The following CHCHD3 variants were observed in gnomAD, a reference collection of about 807,000 sequenced individuals.
CHCHD3 encodes the protein coiled-coil-helix-coiled-coil-helix domain containing 3.
CHCHD3 carries 20 observed loss-of-function variants against 38.2 expected under a neutral mutation model. The observed-to-expected ratio is 0.52, with a 90% CI of 0.37 to 0.76. The LOEUF is 0.76. Among genes scored for constraint, CHCHD3 ranks in the 30% least tolerant of loss-of-function variants. CHCHD3 has a pLI of 0.00. For missense variants in CHCHD3, 245 were observed against 279.2 expected (o/e 0.88, Z 0.87); for synonymous variants, 82 against 100.0 (o/e 0.82, Z 1.07).
chr7:132,856,363 CT>C (rs1413736249), intron 5 of CHCHD3, among the ~76,000 whole-genome samples: 1 of 152,220 alleles, frequency 6.6e-6, no homozygotes, highest in African/African-American at 2.4e-5. Flanking sequence ...AAAAGAGGTT[CT>C]TGTGTGACCC....
At chr7:133,061,056 T>C (rs1814493581) in intron 2 of CHCHD3, among the ~76,000 whole-genome samples, 1 of 152,008 alleles carries the variant, frequency 6.6e-6, no homozygotes, top group African/African-American at 2.4e-5. Context: ...TCCCATGAGA[T>C]TCCCAGAGAA....
chr7:133,054,731 C>G (rs1390991585), intron 2 of CHCHD3, among the ~76,000 whole-genome samples: 1 of 152,186 alleles, frequency 6.6e-6, no homozygotes, highest in African/African-American at 2.4e-5. Flanking sequence ...GCTCTTTATA[C>G]ATTTGCCTAT....
At chr7:132,828,673 A>T (rs1202639755) in intron 6 of CHCHD3, among the ~76,000 whole-genome samples, 1 of 152,142 alleles carries the variant, frequency 6.6e-6, no homozygotes, top group Non-Finnish European at 1.5e-5. Context: ...ATGTGGTTTT[A>T]CCCCAGGCAG....
At chr7:133,049,615 A>G (rs1814091781) in intron 2 of CHCHD3, among the ~76,000 whole-genome samples, 2 of 152,206 alleles carry the variant, frequency 1.3e-5, no homozygotes, top group Non-Finnish European at 2.9e-5. Flanking sequence ...TATACACACT[A>G]TGAATGTTTG....
chr7:133,058,517 G>A (rs1202772264), intron 2 of CHCHD3, among the ~76,000 whole-genome samples: 3 of 152,188 alleles, frequency 2.0e-5, no homozygotes, highest in African/African-American at 7.2e-5. Context: ...CTAGCTGGTT[G>A]CATAACAAAA....
intron 6 of CHCHD3, among the ~76,000 whole-genome samples, chr7:132,805,646 TG>T (rs549990148): frequency 9.2e-4 from 140 of 152,230 alleles, no homozygotes; most frequent in African/African-American, 3.1e-3. Flanking sequence ...GGTACCATCT[TG>T]AGAAGGCGGA....
At chr7:132,950,725 A>T (rs904580863) in intron 4 of CHCHD3, among the ~76,000 whole-genome samples, 2 of 152,180 alleles carry the variant, frequency 1.3e-5, no homozygotes, top group Non-Finnish European at 2.9e-5. Flanking sequence ...CAGATAGCAC[A>T]TTAAATGCTG....
intron 3 of CHCHD3, among the ~76,000 whole-genome samples, chr7:133,008,370 A>C (rs771196875): frequency 2.9e-3 from 1 of 344 alleles, no homozygotes; most frequent in Non-Finnish European, 0.17. Flanking sequence ...TTAAGAGAAG[A>C]AAAAAAAAAA....
At chr7:132,834,470 G>A (rs992716895) in intron 6 of CHCHD3, among the ~76,000 whole-genome samples, 2 of 152,114 alleles carry the variant, frequency 1.3e-5, no homozygotes, top group African/African-American at 2.4e-5. Flanking sequence ...TAGTCAAAAC[G>A]CAAAAATCCA....
intron 4 of CHCHD3, among the ~76,000 whole-genome samples, chr7:132,902,382 A>G (rs1809691390): frequency 6.6e-6 from 1 of 152,208 alleles, no homozygotes; most frequent in Non-Finnish European, 1.5e-5. Context: ...TGTTTATTGC[A>G]GCACTACTCA....
intron 4 of CHCHD3, among the ~76,000 whole-genome samples, chr7:132,915,834 T>G (rs1400330948): frequency 6.6e-6 from 1 of 152,184 alleles, no homozygotes; most frequent in Non-Finnish European, 1.5e-5. Context: ...TTGAACTTCT[T>G]CGTTAATGTT....
At chr7:132,996,210 TC>T (rs1372540448) in intron 3 of CHCHD3, among the ~76,000 whole-genome samples, 3 of 152,158 alleles carry the variant, frequency 2.0e-5, no homozygotes, top group African/African-American at 7.2e-5. Context: ...CTTTCTTCTT[TC>T]CCCTAATGAA....
In CHCHD3 at chr7:133,004,735, T is replaced by C. The variant is rs573321978; in HGVS notation, c.251+19811A>G. Reference sequence around the variant, plus strand: ...GGCAAGGAGAGTGGGCAAACTTTTTTAAATAACATAACACTTTGCAATGAA... The same window carrying C: ...GGCAAGGAGAGTGGGCAAACTTTTTCAAATAACATAACACTTTGCAATGAA... On this transcript the variant is annotated intron_variant, in intron 3 of 7. Transcript: ENST00000262570. Among the ~76,000 whole-genome samples, 6 of 152,332 alleles carry C rather than the reference T, an allele frequency of 3.9e-5. No individual in the cohort carries two copies. In the East Asian group the frequency reaches 1.2e-3, roughly 29 times the overall value.
At chr7:133,058,467 T>C (rs1198536139) in intron 2 of CHCHD3, among the ~76,000 whole-genome samples, 5 of 152,208 alleles carry the variant, frequency 3.3e-5, no homozygotes, top group Non-Finnish European at 5.9e-5. Flanking sequence ...TAAAATAATT[T>C]GTTTAAATGA....
At chr7:132,847,656 T>C (rs1185243035) in intron 5 of CHCHD3, among the ~76,000 whole-genome samples, 2 of 152,358 alleles carry the variant, frequency 1.3e-5, no homozygotes, top group East Asian at 3.9e-4. Context: ...AAAATGCACA[T>C]GCACAGATAC....
chr7:132,959,077 A>G (rs1811248419), intron 4 of CHCHD3, among the ~76,000 whole-genome samples: 1 of 152,238 alleles, frequency 6.6e-6, no homozygotes, highest in South Asian at 2.1e-4. Flanking sequence ...ATTTCAGGCC[A>G]AATAGAGAAG....
chr7:132,801,628 G>A (rs988581693), intron 6 of CHCHD3, among the ~76,000 whole-genome samples: 5 of 152,168 alleles, frequency 3.3e-5, no homozygotes. Context: ...TCAGTACTTA[G>A]CTCAACGAAC....
chr7:132,880,509 T>C (rs901098184), intron 5 of CHCHD3, among the ~76,000 whole-genome samples: 6 of 152,230 alleles, frequency 3.9e-5, no homozygotes, highest in African/African-American at 1.4e-4. Flanking sequence ...TAAACATTTG[T>C]GTGTATTTTA....
At chr7:132,985,801 G>A (rs1476019112) in intron 3 of CHCHD3, among the ~76,000 whole-genome samples, 3 of 103,502 alleles carry the variant, frequency 2.9e-5, no homozygotes, top group African/African-American at 7.1e-5. Flanking sequence ...CCCCCCGCCC[G>A]GCCAGCCGCC....
Sources: gnomAD v4.1 joint callset for allele counts (sites outside exome capture counted in the v4.1 genomes callset) on GRCh38, gnomAD v4.1.1 for gene constraint, MANE v1.5 for transcripts, NCBI Gene and HGNC (gene_info 2026-07-23, HGNC 2026-07-21) for gene names.